Variants in CAPN12 observed in about 807,000 individuals in gnomAD.
CAPN12 encodes the protein calpain 12.
CAPN12 carries 107 observed loss-of-function variants against 95.0 expected under a neutral mutation model. The ratio of observed to expected loss-of-function variants is 1.13; its 90% CI spans 0.96 to 1.32. The LOEUF (loss-of-function observed/expected upper bound fraction) is 1.32, where lower values mean the gene tolerates loss of function less well. CAPN12 is among the 40% of genes most tolerant of loss of function. The probability of loss-of-function intolerance (pLI) is 0.00; values close to 1 mark genes in which losing one functional copy is unlikely to be tolerated. For missense variants in CAPN12, 1,136 were observed against 997.8 expected (o/e 1.14, Z -1.87); for synonymous variants, 505 against 415.5 (o/e 1.22, Z -2.62).
chr19:38,736,168 C>CGTGGGCG lies in CAPN12; in HGVS notation c.1518_1524dup (p.Ala509ArgfsTer8), dbSNP rs908375405. On this transcript the variant is annotated frameshift_variant, in exon 12 of 21. Transcript: ENST00000328867. LOFTEE classifies it high-confidence loss of function. ...AGAGTGAAGTCAGCCTCGTCGCCGGCGTGGGCGGTGCTCGGCACCACCAGG... is the reference window on the plus strand; with the variant it reads ...AGAGTGAAGTCAGCCTCGTCGCCGGCGTGGGCGGTGGGCGGTGCTCGGCACCACCAGG... The CGTGGGCG allele has an allele frequency of 8.6e-6, 13 of 1,513,140 alleles. No individual in the cohort carries two copies. The highest frequency in any genetic ancestry group is 2.9e-5 in the African/African-American group (2 of 69,132). The allele number at this position is 1,513,140 out of a possible 1,614,324, so 93.7% of individuals were successfully genotyped here.
chr19:38,734,440 A>G (rs532857414), intron 15 of CAPN12, 51 bp from the exon 16 acceptor site: 1 of 1,486,134 alleles, frequency 6.7e-7, no homozygotes, highest in South Asian at 1.3e-5. Context: ...TCTGGCCACC[A>G]CTTTAAGGGC....
chr19:38,737,121 GT>G, intron 10 of CAPN12, 34 bp downstream of exon 10: 1 of 1,506,336 alleles, frequency 6.6e-7, no homozygotes, highest in Non-Finnish European at 9.0e-7. Flanking sequence ...CACCCTCCGG[GT>G]TCCCTCCAGC....
intron 17 of CAPN12, 78 bp from the exon 18 acceptor site, chr19:38,733,859 C>A: frequency 8.1e-7 from 1 of 1,236,654 alleles, no homozygotes; most frequent in Non-Finnish European, 1.2e-6. Context: ...GGCAAGACAG[C>A]CTGGTGCCCA....
intron 10 of CAPN12, 90 bp from the exon 11 acceptor site, chr19:38,736,653 C>T: frequency 1.5e-6 from 2 of 1,333,860 alleles, no homozygotes; most frequent in Non-Finnish European, 2.0e-6. Flanking sequence ...CCTCTGTGCT[C>T]TCTCCCTCCT....
chr19:38,735,176 G>A, intron 14 of CAPN12, 194 bp downstream of exon 14: 2 of 616,944 alleles, frequency 3.2e-6, no homozygotes, highest in East Asian at 2.8e-5. Flanking sequence ...GGTCCTGGGA[G>A]AGGGTATGGA....
At chr19:38,738,806 G>C (rs74258656) in intron 5 of CAPN12, 158 bp from the exon 6 acceptor site, 21 of 645,932 alleles carry the variant, frequency 3.3e-5, no homozygotes, top group Admixed American at 8.2e-5. Context: ...GACTGAAGGC[G>C]AAAGAGAAAA....
intron 4 of CAPN12, 126 bp downstream of exon 4, chr19:38,741,651 C>T: frequency 8.4e-7 from 1 of 1,197,066 alleles, no homozygotes; most frequent in Non-Finnish European, 1.1e-6. Flanking sequence ...GCGGTTGTCA[C>T]TTGGTTTGGG....
At position 38,731,387 on chromosome 19, in the gene CAPN12, G is replaced by A. The variant is rs925617051; in HGVS notation, c.1958-164C>T. On this transcript the variant is annotated intron_variant, in intron 18 of 20. Coordinates refer to ENST00000328867, the MANE Select transcript of CAPN12 (RefSeq NM_144691.4). ...TACAGGCTGATCCCTTCAATCCTCT[G>A]GGCCTGTTTCCTCATCCATCAAACG... is the stretch of plus-strand genomic sequence containing the variant. The A allele has an allele frequency of 1.6e-5, 10 of 632,300 alleles. No individual in the cohort carries two copies. The Middle Eastern group carries it at 1.3e-3, about 79-fold the overall frequency. 39.2% of individuals were successfully genotyped at this position (632,300 alleles called of 1,614,324 possible). A position where few individuals can be genotyped will look rare whatever the true frequency, so the allele number is the denominator to read the frequency against.
In CAPN12 at chr19:38,737,384, G is replaced by A. The variant is rs1185227630; in HGVS notation, c.1134C>T (p.Thr378=). 13 of 1,609,418 alleles carry A rather than the reference G, an allele frequency of 8.1e-6. No homozygotes were observed. The highest frequency in any genetic ancestry group is 1.1e-5 in the Non-Finnish European group (13 of 1,178,594). Residue 378 remains threonine (T), a synonymous_variant, in exon 10 of 21, where the codon ACC becomes ACT. Transcript: ENST00000328867. ...NSGGSQPNAE[T]FWTNPQFRLT... ...AACGGAACTGAGGATTGGTCCAGAAGGTTTCTAAGGGAGGAGGAAAAAAGG... is the reference window on the plus strand; with the variant it reads ...AACGGAACTGAGGATTGGTCCAGAAAGTTTCTAAGGGAGGAGGAAAAAAGG...
At position 38,737,318 on chromosome 19, in the gene CAPN12, CTCATCCTCG is replaced by C; in HGVS notation, c.1191_1199del (p.Asp397_Asp399del). The stretch of plus-strand genomic sequence containing the variant: ...CCCCCCAGCCCCCCCAGGGCCCTTC[CTCATCCTCG>C]TCATCCTCCTCATCAGGCTCCAGCA... On this transcript the variant is annotated inframe_deletion, in exon 10 of 21. Transcript: ENST00000328867. 2 of 1,579,728 alleles carry C rather than the reference CTCATCCTCG, an allele frequency of 1.3e-6. No individual in the cohort carries two copies. Among genetic ancestry groups the C allele is most frequent in the Non-Finnish European group, 1.7e-6 (2 of 1,163,422 alleles).
At chr19:38,737,418 T>A (rs769250051) in intron 9 of CAPN12, 30 bp from the exon 10 acceptor site, 40 of 1,609,080 alleles carry the variant, frequency 2.5e-5, no homozygotes. Flanking sequence ...GGGGGTTTCC[T>A]AGCCGGCCAC....
Position 38,742,471 on chromosome 19 carries a change from C to T in CAPN12, c.365G>A (p.Arg122His), listed in dbSNP as rs759140142. 14 of 1,613,632 alleles carry T rather than the reference C, an allele frequency of 8.7e-6. No individual in the cohort carries two copies. Among genetic ancestry groups the T allele is most frequent in the Middle Eastern group, 3.3e-4 (2 of 6,082 alleles). The change falls in exon 3 of 21, where the codon CGC (arginine) becomes CAC (histidine). Residue 122 changes from arginine (R) to histidine (H), a missense_variant. Coordinates refer to ENST00000328867, the MANE Select transcript of CAPN12 (RefSeq NM_144691.4). ...ATCCTGTCCAGGAGGGACCACCCGG[C>T]GCAGGAGCCGGGGATACAGAGTAAG... is the stretch of plus-strand genomic sequence containing the variant. ...ASLTLYPRLL[R>H]RVVPPGQDFQ...
intron 10 of CAPN12, chr19:38,736,917 C>CCCCCTCCT (rs1357854315): frequency 2.5e-5 from 7 of 282,552 alleles, no homozygotes; most frequent in African/African-American, 7.8e-5. Context: ...GCCCTACTAG[C>CCCCCTCCT]CCCCTACTCC....
At position 38,738,571 on chromosome 19, in the gene CAPN12, T is replaced by TA; in HGVS notation, c.804+2dup. 6.2e-7 allele frequency: 1 copy of TA among 1,613,954 alleles called. No individual in the cohort carries two copies. The highest frequency in any genetic ancestry group is 1.3e-5 in the African/African-American group (1 of 75,050). The stretch of plus-strand genomic sequence containing the variant: ...TGCCACCCCACCCATGGGGGACACT[T>TA]ACCTTGTGTGTGCCCGTGATGGAAT... On this transcript the variant is annotated splice_region_variant and intron_variant, in intron 6 of 20. Transcript: ENST00000328867.
Position 38,730,694 on chromosome 19 carries a change from AGGCCAGAGTGGTCACCC to A in CAPN12, c.*141_*157del. 2 of 805,768 alleles carry A rather than the reference AGGCCAGAGTGGTCACCC, an allele frequency of 2.5e-6. No individual in the cohort carries two copies. Among genetic ancestry groups the A allele is most frequent in the East Asian group, 5.3e-5 (2 of 37,466 alleles). 49.9% of individuals were successfully genotyped at this position (805,768 alleles called of 1,614,324 possible). ...TCTTGTTTCTGAGTGAGGAGTACGC[AGGCCAGAGTGGTCACCC>A]GGCCGTGAGCAGTGAGGGCCAGAGA... On this transcript the variant is annotated 3_prime_UTR_variant, in exon 21 of 21. Transcript: ENST00000328867.
chr19:38,736,672 C>A, intron 10 of CAPN12, 109 bp from the exon 11 acceptor site: 1 of 1,269,008 alleles, frequency 7.9e-7, no homozygotes, highest in East Asian at 2.7e-5. Flanking sequence ...CTTCTTCGTC[C>A]TATTAGACCC....
intron 15 of CAPN12, 32 bp from the exon 16 acceptor site, chr19:38,734,421 T>G: frequency 1.3e-6 from 2 of 1,542,628 alleles, no homozygotes; most frequent in Non-Finnish European, 1.8e-6. Flanking sequence ...ACCACAGCAC[T>G]TCCTGCATTC....
rs78839992 is a variant in CAPN12, at chr19:38,735,396, G to A, written c.1660C>T (p.Gln554Ter). Residue 554 changes from glutamine (Q) to a stop codon, truncating the protein, a stop_gained, in exon 14 of 21, where the codon CAG (glutamine) becomes TAG (stop). Transcript: ENST00000328867. LOFTEE classifies it high-confidence loss of function. ...PYLPLELGLE[Q>*]LFQELAGEEE... ...TCTCCAGCCAGCTCCTGAAACAGCT[G>A]CTCCAACCCCAGCTCCAGGGGCAGG... The A allele has an allele frequency of 1.5e-4, 249 of 1,607,456 alleles. 1 individual carries two copies. In the African/African-American group the frequency reaches 3.1e-3, roughly 20 times the overall value.
In CAPN12 at chr19:38,734,881, A is replaced by G. The variant is rs1484230373; in HGVS notation, c.1687-11T>C. The G allele has an allele frequency of 6.2e-7, 1 of 1,612,480 alleles. No homozygotes were observed. Among genetic ancestry groups the G allele is most frequent in the South Asian group, 1.1e-5 (1 of 91,002 alleles). ...ATTGAGTTCTTCCTCCTAGTCCAGGAAAGAGGGCTTGTGAGGCCATTTACT... is the reference window on the plus strand; with the variant it reads ...ATTGAGTTCTTCCTCCTAGTCCAGGGAAGAGGGCTTGTGAGGCCATTTACT... On this transcript the variant is annotated splice_polypyrimidine_tract_variant and intron_variant, in intron 14 of 20. Coordinates refer to ENST00000328867, the MANE Select transcript of CAPN12 (RefSeq NM_144691.4).
Sources: allele counts gnomAD v4.1 joint callset, GRCh38; gene constraint gnomAD v4.1.1; transcripts MANE v1.5; gene names NCBI Gene and HGNC (gene_info 2026-07-23, HGNC 2026-07-21).